Variants in MGAT5 observed in about 807,000 individuals in gnomAD.
MGAT5 encodes alpha-1,6-mannosylglycoprotein 6-beta-N-acetylglucosaminyltransferase.
In MGAT5, 30 loss-of-function variants were observed where a neutral mutation model predicts 94.3. That is an observed-to-expected ratio of 0.32 (90% CI 0.24 to 0.43). The LOEUF (loss-of-function observed/expected upper bound fraction) is 0.43. Ranked by LOEUF, MGAT5 falls within the 20% of genes least tolerant of loss-of-function variation. The pLI is 1.00. For missense variants in MGAT5, 691 were observed against 905.5 expected, an observed-to-expected ratio of 0.76 and a Z score of 3.04; for synonymous variants, 310 against 322.9, an observed-to-expected ratio of 0.96 and a Z score of 0.43.
intron 10 of MGAT5, among the ~76,000 whole-genome samples, chr2:134,381,289 T>G (rs1050396631): frequency 1.3e-5 from 2 of 150,158 alleles, no homozygotes; most frequent in African/African-American, 4.9e-5. Flanking sequence ...GTGAATGCAC[T>G]CCACTGCACT....
chr2:134,168,785 C>T (rs1236779455), intron 1 of MGAT5, among the ~76,000 whole-genome samples: 1 of 152,208 alleles, frequency 6.6e-6, no homozygotes, highest in African/African-American at 2.4e-5. Context: ...TTGATGTTCT[C>T]AGCCACCTTT....
intron 10 of MGAT5, among the ~76,000 whole-genome samples, chr2:134,369,964 T>C (rs1680683426): frequency 6.6e-6 from 1 of 152,188 alleles, no homozygotes; most frequent in African/African-American, 2.4e-5. Flanking sequence ...ATCTGTGGCA[T>C]AGATTTGGCT....
intron 1 of MGAT5, among the ~76,000 whole-genome samples, chr2:134,124,198 C>T (rs1685738034): frequency 6.6e-6 from 1 of 152,320 alleles, no homozygotes. Flanking sequence ...AAACTAATAG[C>T]TCTTGGAAAG....
In MGAT5 at chr2:134,441,771, G is replaced by C; in HGVS notation, c.1883G>C (p.Gly628Ala). The C allele has an allele frequency of 6.2e-7, 1 of 1,612,626 alleles. No individual in the cohort carries two copies. Among genetic ancestry groups the C allele is most frequent in the African/African-American group, 1.3e-5 (1 of 75,004 alleles). Residue 628 changes from glycine (G) to alanine (A), a missense_variant, in exon 15 of 16, where the codon GGG (glycine) becomes GCG (alanine). Physicochemically the swap from Gly to Ala is moderately conservative, Grantham distance 60 (BLOSUM62 0). This residue lies in a region of MGAT5 where 260 missense variants were observed against 347.0 expected (regional missense o/e 0.75). Coordinates refer to ENST00000281923, the MANE Select transcript of MGAT5 (RefSeq NM_002410.5). ...TTGTCGTTCTAGGACTTCTGCCATG[G>C]GCAAGTGATGTGGCCACCCCTCAGC... ...AFIEKQDFCH[G>A]QVMWPPLSAL...
At chr2:134,288,408 G>A (rs1434991696) in intron 2 of MGAT5, among the ~76,000 whole-genome samples, 1 of 152,042 alleles carries the variant, frequency 6.6e-6, no homozygotes, top group Admixed American at 6.6e-5. Flanking sequence ...TTGTTGATGT[G>A]TTGCCGTGTT....
intron 1 of MGAT5, chr2:134,120,351 A>T (rs1001825142): frequency 2.6e-6 from 1 of 383,940 alleles, no homozygotes; most frequent in Non-Finnish European, 4.6e-6. Flanking sequence ...CCGCGGGGTG[A>T]TGCGCGCAGA....
At chr2:134,140,326 G>C (rs1030934664) in intron 1 of MGAT5, among the ~76,000 whole-genome samples, 25 of 152,266 alleles carry the variant, frequency 1.6e-4, no homozygotes, top group Non-Finnish European at 3.7e-4. Context: ...GAGATGGGAC[G>C]ATGTGGAGCA....
intron 4 of MGAT5, among the ~76,000 whole-genome samples, chr2:134,328,537 G>A (rs533963408): frequency 2.0e-5 from 3 of 152,008 alleles, no homozygotes; most frequent in African/African-American, 4.8e-5. Flanking sequence ...ACAGTAAAGC[G>A]CCGCGTAAGT....
intron 1 of MGAT5, among the ~76,000 whole-genome samples, chr2:134,238,263 A>G (rs1681772668): frequency 6.6e-6 from 1 of 152,182 alleles, no homozygotes; most frequent in Non-Finnish European, 1.5e-5. Context: ...CTCTGAATGG[A>G]GATGGTTAGT....
At chr2:134,124,318 C>T (rs1215460119) in intron 1 of MGAT5, among the ~76,000 whole-genome samples, 1 of 152,180 alleles carries the variant, frequency 6.6e-6, no homozygotes, top group Non-Finnish European at 1.5e-5. Flanking sequence ...TTATTTTTTT[C>T]ATTGCCACAA....
chr2:134,241,347 T>G (rs61085655), intron 1 of MGAT5, among the ~76,000 whole-genome samples: 2,009 of 152,342 alleles, frequency 0.013, 19 homozygotes, highest in East Asian at 0.031. Context: ...AAGGAAGCAA[T>G]GAGTTCTCTT....
chr2:134,151,812 T>G (rs11898907), intron 1 of MGAT5, among the ~76,000 whole-genome samples: 72,651 of 109,582 alleles, frequency 0.66, 24,614 homozygotes, highest in African/African-American at 0.84. Context: ...TATGGGAGCC[T>G]CCCACTGCCA....
chr2:134,225,156 G>A (rs1216027073), intron 1 of MGAT5, among the ~76,000 whole-genome samples: 1 of 150,992 alleles, frequency 6.6e-6, no homozygotes, highest in East Asian at 1.9e-4. Context: ...ATCAGGCTCT[G>A]TCCTCTGTGA....
chr2:134,226,968 ATTT>A lies in MGAT5; in HGVS notation c.-142-27280_-142-27278del, dbSNP rs33946190. 1.0e-3 allele frequency among the ~76,000 whole-genome samples: 150 copies of A among 143,124 alleles called. 1 individual carries two copies. The highest frequency in any genetic ancestry group is 3.2e-3 in the African/African-American group (124 of 39,142). 93.9% of individuals were successfully genotyped at this position (143,124 alleles called of 152,430 possible). A position where few individuals can be genotyped will look rare whatever the true frequency, so the allele number is the denominator to read the frequency against. On this transcript the variant is annotated intron_variant, in intron 1 of 16. Coordinates refer to the MGAT5 transcript ENST00000409645. The stretch of plus-strand genomic sequence containing the variant: ...TGGTTCTGTGGTACCAGATAGTCCT[ATTT>A]TTTTTTTTTTTTTGGAAAGGCCAGA...
At chr2:134,157,828 C>A (rs999664172) in intron 1 of MGAT5, among the ~76,000 whole-genome samples, 1 of 152,084 alleles carries the variant, frequency 6.6e-6, no homozygotes, top group Non-Finnish European at 1.5e-5. Context: ...CTGCCAGGTA[C>A]GTGGACAACC....
At chr2:134,266,922 G>A (rs189651283) in intron 1 of MGAT5, among the ~76,000 whole-genome samples, 10 of 152,246 alleles carry the variant, frequency 6.6e-5, no homozygotes, top group East Asian at 1.9e-4. Flanking sequence ...CTTATATTCC[G>A]TCTTCATTTT....
chr2:134,421,086 A>T (rs980110322), intron 12 of MGAT5, among the ~76,000 whole-genome samples: 13 of 152,352 alleles, frequency 8.5e-5, no homozygotes, highest in East Asian at 5.8e-4. Flanking sequence ...ATTGCCAGTA[A>T]TGTGATAGCT....
At chr2:134,405,163 G>A (rs574771914) in intron 11 of MGAT5, among the ~76,000 whole-genome samples, 32 of 152,330 alleles carry the variant, frequency 2.1e-4, no homozygotes, top group Non-Finnish European at 4.4e-5. Flanking sequence ...AACGGAGATC[G>A]CTGATGTCCA....
At chr2:134,282,582 C>T (rs1005755266) in intron 2 of MGAT5, among the ~76,000 whole-genome samples, 1 of 152,162 alleles carries the variant, frequency 6.6e-6, no homozygotes, top group Admixed American at 6.5e-5. Context: ...CTAACAGATA[C>T]GGCAAGTGCC....
Sources: gnomAD v4.1 joint callset for allele counts (sites outside exome capture counted in the v4.1 genomes callset) on GRCh38, gnomAD v4.1.1 for gene constraint, gnomAD v4.1.1 regional missense constraint, MANE v1.5 for transcripts, NCBI Gene and HGNC (gene_info 2026-07-23, HGNC 2026-07-21) for gene names.